ZNF804B: variants seen among roughly 807,000 people sequenced by gnomAD.
ZNF804B encodes the protein zinc finger protein 804B.
ZNF804B carries 80 observed loss-of-function variants against 101.4 expected under a neutral mutation model. The ratio of observed to expected loss-of-function variants is 0.79; its 90% CI spans 0.66 to 0.95. The LOEUF (loss-of-function observed/expected upper bound fraction) is 0.95. Among genes scored for constraint, ZNF804B ranks in the 40% least tolerant of loss-of-function variants. The probability of loss-of-function intolerance (pLI) is 0.00; values close to 1 mark genes in which losing one functional copy is unlikely to be tolerated. For missense variants in ZNF804B, 1,673 were observed against 1,561.9 expected (o/e 1.07, Z -1.20); for synonymous variants, 622 against 558.8 (o/e 1.11, Z -1.59).
intron 1 of ZNF804B, among the ~76,000 whole-genome samples, chr7:89,012,234 C>G (rs1348343444): frequency 6.6e-6 from 1 of 152,086 alleles, no homozygotes; most frequent in Non-Finnish European, 1.5e-5. Flanking sequence ...TGGGCCCTGG[C>G]CACAAAACCA....
chr7:88,834,664 A>AAT (rs1791183135), intron 1 of ZNF804B, among the ~76,000 whole-genome samples: 6 of 112,398 alleles, frequency 5.3e-5, no homozygotes, highest in African/African-American at 2.3e-4. Context: ...TATATATTTT[A>AAT]CTATATATAT....
intron 1 of ZNF804B, among the ~76,000 whole-genome samples, chr7:88,808,701 T>G (rs1420146894): frequency 6.6e-6 from 1 of 152,150 alleles, no homozygotes; most frequent in African/African-American, 2.4e-5. Flanking sequence ...GAAAAGCATC[T>G]AAAAAGAATT....
At chr7:89,066,593 C>CT (rs1452236289) in intron 1 of ZNF804B, among the ~76,000 whole-genome samples, 22 of 151,986 alleles carry the variant, frequency 1.4e-4, no homozygotes, top group South Asian at 4.1e-4. Flanking sequence ...ACAGACTGGA[C>CT]TTTTTTTAAA....
rs1029945897 is a variant in ZNF804B, at chr7:88,769,784, A to T, written c.108+9700A>T. On this transcript the variant is annotated intron_variant, in intron 1 of 3. Transcript: ENST00000333190. ...CAGTGTGGTTGTATCATAATTGTTA[A>T]GAATCTCCAATTGCCTGAGTTTATC... Among the ~76,000 whole-genome samples the T allele has an allele frequency of 3.9e-5, 6 of 152,222 alleles. No individual in the cohort carries two copies. In the South Asian group the frequency reaches 1.0e-3, roughly 26 times the overall value.
intron 2 of ZNF804B, among the ~76,000 whole-genome samples, chr7:89,304,827 G>C (rs916131865): frequency 1.3e-5 from 2 of 151,834 alleles, no homozygotes; most frequent in African/African-American, 4.8e-5. Context: ...AGTAGCATTT[G>C]GCAAAAGACG....
chr7:89,067,948 A>T (rs1321591317), intron 1 of ZNF804B, among the ~76,000 whole-genome samples: 1 of 151,056 alleles, frequency 6.6e-6, no homozygotes, highest in Non-Finnish European at 1.5e-5. Flanking sequence ...AGCTGGGACT[A>T]CAGGTGCCTG....
chr7:88,918,084 C>A (rs939770085), intron 1 of ZNF804B, among the ~76,000 whole-genome samples: 6 of 152,068 alleles, frequency 3.9e-5, no homozygotes, highest in African/African-American at 1.4e-4. Context: ...AATAATCTCT[C>A]ATGGAAAGAT....
intron 1 of ZNF804B, among the ~76,000 whole-genome samples, chr7:89,186,264 G>GCTAAAAGACTAATTCCTATTCTAT (rs1283522630): frequency 6.6e-6 from 1 of 152,008 alleles, no homozygotes; most frequent in Admixed American, 6.6e-5. Context: ...ACACAGTATA[G>GCTAAAAGACTAATTCCTATTCTAT]CTAAAAGACT....
At chr7:89,056,646 C>G (rs1789298936) in intron 1 of ZNF804B, among the ~76,000 whole-genome samples, 1 of 152,088 alleles carries the variant, frequency 6.6e-6, no homozygotes, top group Admixed American at 6.6e-5. Flanking sequence ...AAATAGTCAA[C>G]ATAATACTTT....
chr7:88,891,876 C>T (rs1018291228), intron 1 of ZNF804B, among the ~76,000 whole-genome samples: 18 of 152,042 alleles, frequency 1.2e-4, no homozygotes, highest in Non-Finnish European at 2.2e-4. Context: ...TGCTATCCCT[C>T]CCCTACCCCA....
intron 1 of ZNF804B, among the ~76,000 whole-genome samples, chr7:88,840,066 C>T (rs1025954388): frequency 2.0e-5 from 3 of 152,080 alleles, no homozygotes; most frequent in Admixed American, 6.6e-5. Flanking sequence ...TTAGATAATA[C>T]TATAGAAAAG....
Position 89,015,849 on chromosome 7 carries a change from C to G in ZNF804B, c.109-202306C>G, listed in dbSNP as rs536124410. On this transcript the variant is annotated intron_variant, in intron 1 of 3. Transcript: ENST00000333190. ...TGATTTATAGTCCTTTGGGTATACA[C>G]CCAGTAATGGGATGGCTGGGTCAAA... 4.7e-3 allele frequency among the ~76,000 whole-genome samples: 714 copies of G among 152,282 alleles called. 7 individuals carry two copies. The highest frequency in any genetic ancestry group is 0.016 in the African/African-American group (678 of 41,550).
At chr7:88,861,920 G>A (rs938254482) in intron 1 of ZNF804B, among the ~76,000 whole-genome samples, 1 of 152,088 alleles carries the variant, frequency 6.6e-6, no homozygotes, top group African/African-American at 2.4e-5. Flanking sequence ...CAGCCATGTG[G>A]GATGGAGGAG....
At chr7:89,275,174 C>T (rs779386517) in intron 2 of ZNF804B, among the ~76,000 whole-genome samples, 1 of 151,974 alleles carries the variant, frequency 6.6e-6, no homozygotes, top group Non-Finnish European at 1.5e-5. Context: ...GAAAGTTCAG[C>T]CTTCCAGCTT....
At chr7:88,900,162 C>A (rs914587963) in intron 1 of ZNF804B, among the ~76,000 whole-genome samples, 2 of 151,954 alleles carry the variant, frequency 1.3e-5, no homozygotes, top group Admixed American at 6.6e-5. Context: ...TTTATGTATA[C>A]AGATTTAGAA....
In ZNF804B at chr7:88,854,410, T is replaced by TCTTTCTTTCTTTCTTC. The variant is rs1562812538; in HGVS notation, c.108+94329_108+94330insTCTTTCTTTCTTCCTT. ...GCATTTCTTTCTTTCTTTCTTTCTTTCTTCCTTTCTTTCTTTCTTTCTTTC... is the reference window on the plus strand; with the variant it reads ...GCATTTCTTTCTTTCTTTCTTTCTTTCTTTCTTTCTTTCTTCCTTCCTTTCTTTCTTTCTTTCTTTC... On this transcript the variant is annotated intron_variant, in intron 1 of 3. Coordinates refer to ENST00000333190, the MANE Select transcript of ZNF804B (RefSeq NM_181646.5). 1.0e-3 allele frequency among the ~76,000 whole-genome samples: 133 copies of TCTTTCTTTCTTTCTTC among 132,676 alleles called. 2 individuals are homozygous for TCTTTCTTTCTTTCTTC. Among genetic ancestry groups the TCTTTCTTTCTTTCTTC allele is most frequent in the Non-Finnish European group, 1.7e-3 (105 of 62,518 alleles). The allele number at this position is 132,676 out of a possible 152,430, so 87.0% of individuals were successfully genotyped here. A position where few individuals can be genotyped will look rare whatever the true frequency, so the allele number is the denominator to read the frequency against.
intron 1 of ZNF804B, among the ~76,000 whole-genome samples, chr7:89,014,607 C>A (rs186542519): frequency 6.6e-6 from 1 of 152,170 alleles, no homozygotes; most frequent in Non-Finnish European, 1.5e-5. Context: ...TGAGCCACCG[C>A]GCCCAGCGAT....
chr7:88,916,094 A>G (rs754616463), intron 1 of ZNF804B, among the ~76,000 whole-genome samples: 64 of 152,076 alleles, frequency 4.2e-4, no homozygotes, highest in Admixed American at 8.5e-4. Flanking sequence ...AACTCTTGTG[A>G]GAAATTCTTG....
intron 1 of ZNF804B, among the ~76,000 whole-genome samples, chr7:89,040,655 A>C (rs912750641): frequency 2.0e-5 from 3 of 152,036 alleles, no homozygotes; most frequent in Non-Finnish European, 4.4e-5. Flanking sequence ...TTTTATTCCT[A>C]TTATGGTATT....
Sources: allele counts gnomAD v4.1 joint callset (sites outside exome capture counted in the v4.1 genomes callset), GRCh38; gene constraint gnomAD v4.1.1; transcripts MANE v1.5; gene names NCBI Gene and HGNC (gene_info 2026-07-23, HGNC 2026-07-21).